Variants in DDX52 observed in about 807,000 individuals in gnomAD.
DDX52 encodes DExD-box helicase 52.
A neutral mutation model predicts 76.1 loss-of-function variants in DDX52; 59 were observed. The observed-to-expected ratio is 0.78, with a 90% CI of 0.63 to 0.96. The LOEUF (loss-of-function observed/expected upper bound fraction) is 0.96. Among genes scored for constraint, DDX52 ranks in the 40% least tolerant of loss-of-function variants. The pLI is 0.00. For synonymous variants in DDX52, 231 were observed against 244.1 expected, an observed-to-expected ratio of 0.95 and a Z score of 0.50; for missense variants, 707 against 703.9, an observed-to-expected ratio of 1.00 and a Z score of -0.05.
rs1211554158 is a variant in DDX52, at chr17:37,612,510, T to C, written c.*1786A>G. 2.0e-5 allele frequency: 3 copies of C among 152,166 alleles called. No individual in the cohort carries two copies. Among genetic ancestry groups the C allele is most frequent in the South Asian group, 2.1e-4 (1 of 4,830 alleles). 9.4% of individuals were successfully genotyped at this position (152,166 alleles called of 1,614,324 possible). A position where few individuals can be genotyped will look rare whatever the true frequency, so the allele number is the denominator to read the frequency against. On this transcript the variant is annotated 3_prime_UTR_variant, in exon 15 of 15. Coordinates refer to ENST00000617633, the MANE Select transcript of DDX52 (RefSeq NM_007010.5). The stretch of plus-strand genomic sequence containing the variant: ...TTTGTAGCCTAGGAGCAACAGACTA[T>C]ACCATATAGCCTAGGTGTACTGGTA...
intron 2 of DDX52, among the ~76,000 whole-genome samples, chr17:37,640,512 G>A (rs2031138090): frequency 6.6e-6 from 1 of 151,858 alleles, no homozygotes; most frequent in African/African-American, 2.4e-5. Flanking sequence ...AAATACAAAA[G>A]AAATTGATTA....
intron 5 of DDX52, 127 bp from the exon 6 acceptor site, chr17:37,628,799 C>T: frequency 1.5e-6 from 1 of 669,382 alleles, no homozygotes. Context: ...TCATAACAAT[C>T]TGTAGATTAA....
rs772457712 is a variant in DDX52 at position 37,642,220 on chromosome 17, C to T, written c.176G>A (p.Cys59Tyr). ...FGNKKSVPGV[C>Y]GASQTHQKPQ... ...CTTCTGATGTGTTTGTGATGCTCCA[C>T]ACACACCTGGGACAGACTTCTTGTT... The change falls in exon 2 of 15, where the codon TGT becomes TAT. Residue 59 changes from cysteine (C) to tyrosine (Y), a missense_variant. Physicochemically the swap from Cys to Tyr is radical, Grantham distance 194 (BLOSUM62 -2). Coordinates refer to ENST00000617633, the MANE Select transcript of DDX52 (RefSeq NM_007010.5). 3 of 1,614,156 alleles carry T rather than the reference C, an allele frequency of 1.9e-6. No homozygotes were observed. In the Admixed American group the frequency reaches 5.0e-5, roughly 27 times the overall value.
intron 5 of DDX52, 34 bp downstream of exon 5, chr17:37,629,996 C>A: frequency 6.4e-7 from 1 of 1,567,872 alleles, no homozygotes; most frequent in Non-Finnish European, 8.6e-7. Flanking sequence ...AAGTAAAAAC[C>A]AATCGCATAC....
chr17:37,640,769 C>G (rs559185152), intron 2 of DDX52, among the ~76,000 whole-genome samples: 3 of 149,918 alleles, frequency 2.0e-5, no homozygotes, highest in Admixed American at 6.6e-5. Context: ...GGGCAGATCA[C>G]GAGGTCAGGA....
chr17:37,624,249 G>A, intron 9 of DDX52, 95 bp downstream of exon 9: 1 of 794,674 alleles, frequency 1.3e-6, no homozygotes, highest in South Asian at 2.2e-5. Context: ...GAGCCAAGAT[G>A]ATGATGATAC....
Position 37,629,922 on chromosome 17 carries a change from G to C in DDX52, c.747+108C>G, listed in dbSNP as rs554453131. On this transcript the variant is annotated intron_variant, in intron 5 of 14. Transcript: ENST00000617633. ...TGCTGTGTAGAGGATACTTGACCAT[G>C]ACAGAAGACGTGGGCCTTGCTTTTT... is the stretch of plus-strand genomic sequence containing the variant. 1.0e-5 allele frequency: 15 copies of C among 1,461,536 alleles called. No individual in the cohort carries two copies. In the Admixed American group the frequency reaches 2.5e-4, roughly 25 times the overall value. The allele number at this position is 1,461,536 out of a possible 1,614,324, so 90.5% of individuals were successfully genotyped here. A position where few individuals can be genotyped will look rare whatever the true frequency, so the allele number is the denominator to read the frequency against.
intron 6 of DDX52, among the ~76,000 whole-genome samples, chr17:37,627,138 T>C (rs764356289): frequency 6.6e-6 from 1 of 152,204 alleles, no homozygotes; most frequent in Non-Finnish European, 1.5e-5. Context: ...CAAGAGATCT[T>C]CTGGCATCAG....
At chr17:37,639,523 G>A (rs1190216271) in intron 2 of DDX52, 3 of 827,796 alleles carry the variant, frequency 3.6e-6, no homozygotes, top group East Asian at 1.2e-4. Flanking sequence ...GAATCACGAG[G>A]TCAGGAGATC....
intron 2 of DDX52, among the ~76,000 whole-genome samples, chr17:37,641,155 C>CGGAGGT (rs1771197946): frequency 6.8e-6 from 1 of 147,542 alleles, no homozygotes; most frequent in South Asian, 2.1e-4. Flanking sequence ...CTTTAGGAGG[C>CGGAGGT]GGAGGCGGAG....
intron 9 of DDX52, among the ~76,000 whole-genome samples, chr17:37,622,427 G>A (rs1048983160): frequency 5.3e-5 from 8 of 151,916 alleles, no homozygotes; most frequent in African/African-American, 1.9e-4. Context: ...CTGAGTAGCT[G>A]GGATTACAGG....
At chr17:37,635,569 T>C in intron 2 of DDX52, 1 of 455,242 alleles carries the variant, frequency 2.2e-6, no homozygotes, top group South Asian at 1.6e-5. Context: ...TACTAGGTAG[T>C]ATTCCATTGT....
At chr17:37,633,240 C>T (rs1483810431) in intron 3 of DDX52, 48 bp downstream of exon 3, 33 of 1,538,946 alleles carry the variant, frequency 2.1e-5, no homozygotes, top group Non-Finnish European at 2.6e-5. Context: ...GAATAAGTCA[C>T]TAGGTCAGAA....
intron 9 of DDX52, among the ~76,000 whole-genome samples, chr17:37,622,993 G>T (rs1355319567): frequency 1.3e-5 from 2 of 152,186 alleles, no homozygotes; most frequent in African/African-American, 4.8e-5. Context: ...CAAAGCTATA[G>T]TGGTGGAGCT....
At chr17:37,640,687 GAAAAA>G (rs11432784) in intron 2 of DDX52, among the ~76,000 whole-genome samples, 7 of 101,748 alleles carry the variant, frequency 6.9e-5, no homozygotes, top group East Asian at 4.7e-4. Flanking sequence ...TACAGTACAA[GAAAAA>G]AAAAAAAAAA....
intron 9 of DDX52, 52 bp downstream of exon 9, chr17:37,624,292 A>G: frequency 7.0e-7 from 1 of 1,431,072 alleles, no homozygotes; most frequent in Non-Finnish European, 9.7e-7. Context: ...CCCACTAGTA[A>G]TATAAGACTT....
At chr17:37,628,753 A>C in intron 5 of DDX52, 81 bp from the exon 6 acceptor site, 3 of 983,628 alleles carry the variant, frequency 3.0e-6, no homozygotes, top group Non-Finnish European at 4.5e-6. Context: ...TAATGAAATA[A>C]ATCTATTACC....
At chr17:37,620,745 G>A in intron 12 of DDX52, 128 bp downstream of exon 12, 1 of 818,816 alleles carries the variant, frequency 1.2e-6, no homozygotes, top group Non-Finnish European at 1.8e-6. Context: ...GCTAAAATTT[G>A]GTCAACTAAC....
At position 37,629,483 on chromosome 17, in the gene DDX52, G is replaced by A. The variant is rs145456389; in HGVS notation, c.747+547C>T. ...AACCCAGGAGTTCAAGACCAGCCTG[G>A]GTAACATAGGGAGACCTTGTTTCTA... On this transcript the variant is annotated intron_variant, in intron 5 of 14. Transcript: ENST00000617633. Among the ~76,000 whole-genome samples, 1,115 of 152,062 alleles carry A rather than the reference G, an allele frequency of 7.3e-3. 51 individuals are homozygous for A. The highest frequency in any genetic ancestry group is 0.067 in the Admixed American group (1,017 of 15,258).
Sources: gnomAD v4.1 joint callset for allele counts (sites outside exome capture counted in the v4.1 genomes callset) on GRCh38, gnomAD v4.1.1 for gene constraint, MANE v1.5 for transcripts, NCBI Gene and HGNC (gene_info 2026-07-23, HGNC 2026-07-21) for gene names.